The following NKIRAS2 variants were observed in gnomAD, a reference collection of about 807,000 sequenced individuals.
NKIRAS2 encodes NF-kappa-B inhibitor-interacting Ras-like protein 2.
In NKIRAS2, 15 loss-of-function variants were observed where a neutral mutation model predicts 20.7. The observed-to-expected ratio is 0.73, with a 90% CI of 0.49 to 1.12. The LOEUF (loss-of-function observed/expected upper bound fraction) is 1.12, where lower values mean the gene tolerates loss of function less well. NKIRAS2 is among the 50% of genes most tolerant of loss of function. The probability of loss-of-function intolerance (pLI) is 0.00; values close to 1 mark genes in which losing one functional copy is unlikely to be tolerated. For synonymous variants in NKIRAS2, 116 were observed against 101.4 expected (o/e 1.14, Z -0.87); for missense variants, 196 against 249.6 (o/e 0.79, Z 1.45).
chr17:42,022,547 C>T lies in NKIRAS2; in HGVS notation c.243C>T (p.Gly81=). 1 of 1,614,146 alleles carries T rather than the reference C, an allele frequency of 6.2e-7. No individual in the cohort carries two copies. Among genetic ancestry groups the T allele is most frequent in the Non-Finnish European group, 8.5e-7 (1 of 1,180,034 alleles). The change falls in exon 3 of 4, where the codon GGC becomes GGT. Residue 81 remains glycine (G), a synonymous_variant. Coordinates refer to ENST00000393885, the MANE Select transcript of NKIRAS2 (RefSeq NM_017595.6). ...LPRHCFSCTD[G]YVLVYSTDSR... is the part of the protein sequence containing the mutation. ...GACACTGCTTCTCTTGCACTGATGG[C>T]TACGTCCTGGTCTATAGCACAGATA...
In NKIRAS2 at chr17:42,024,215, T is replaced by C; in HGVS notation, c.*322T>C. 2.8e-6 allele frequency: 1 copy of C among 352,534 alleles called. No homozygotes were observed. The highest frequency in any genetic ancestry group is 5.4e-6 in the Non-Finnish European group (1 of 186,650). The allele number at this position is 352,534 out of a possible 1,614,324, so 21.8% of individuals were successfully genotyped here. On this transcript the variant is annotated 3_prime_UTR_variant, in exon 4 of 4. Transcript: ENST00000393885. ...GAAGCAGAGTCACCACGCAGCAGTG[T>C]CCCTTCTTGGGTCTGAGTTCCTATT... is the stretch of plus-strand genomic sequence containing the variant.
upstream of NKIRAS2, among the ~76,000 whole-genome samples, chr17:42,017,994 G>T (rs2052353567): frequency 6.6e-6 from 1 of 152,060 alleles, no homozygotes; most frequent in Non-Finnish European, 1.5e-5. Context: ...CATCCACTCC[G>T]GATCTCCAAA....
Position 42,021,539 on chromosome 17 carries a change from AC to A in NKIRAS2, c.-14-22del, listed in dbSNP as rs782368197. ...TGTTGATGCTTTCTTTCCTCACCTT[AC>A]CCAGCGTGCTTCTGTTCTTCAAGGT... On this transcript the variant is annotated intron_variant, in intron 1 of 3. Coordinates refer to ENST00000393885, the MANE Select transcript of NKIRAS2 (RefSeq NM_017595.6). 10 of 1,587,744 alleles carry A rather than the reference AC, an allele frequency of 6.3e-6. No homozygotes were observed. The South Asian group carries it at 9.9e-5, about 16-fold the overall frequency.
At chr17:42,023,613 A>G (rs782211562) in intron 3 of NKIRAS2, 41 bp from the exon 4 acceptor site, 15 of 1,586,938 alleles carry the variant, frequency 9.5e-6, no homozygotes, top group African/African-American at 2.7e-5. Context: ...TCCTGGTTCT[A>G]TGGTACATTC....
At chr17:42,022,144 G>A in intron 2 of NKIRAS2, 1 of 479,004 alleles carries the variant, frequency 2.1e-6, no homozygotes, top group Non-Finnish European at 3.8e-6. Context: ...GGGAGGTGGA[G>A]GTTGCGGTGA....
chr17:42,021,483 C>T (rs1222784238), intron 1 of NKIRAS2, 81 bp from the exon 2 acceptor site: 6 of 1,220,736 alleles, frequency 4.9e-6, no homozygotes, highest in South Asian at 4.9e-5. Context: ...TTTTTGTCCA[C>T]CAGAAAACAT....
chr17:42,023,445 G>A (rs2052505526), intron 3 of NKIRAS2, among the ~76,000 whole-genome samples: 1 of 152,200 alleles, frequency 6.6e-6, no homozygotes, highest in Non-Finnish European at 1.5e-5. Flanking sequence ...CTAAAAGGAG[G>A]GCTAGATGGA....
In NKIRAS2 at chr17:42,024,675, GAGGCAGGAGAATTGCTTGAACTCAGA is replaced by G. The variant is rs2052534661; in HGVS notation, c.*787_*812del. The G allele has an allele frequency of 6.6e-6, 1 of 152,176 alleles. No homozygotes were observed. Among genetic ancestry groups the G allele is most frequent in the Non-Finnish European group, 1.5e-5 (1 of 68,166 alleles). 9.4% of individuals were successfully genotyped at this position (152,176 alleles called of 1,614,324 possible). A position where few individuals can be genotyped will look rare whatever the true frequency, so the allele number is the denominator to read the frequency against. On this transcript the variant is annotated 3_prime_UTR_variant, in exon 4 of 4. Transcript: ENST00000393885. ...GTAATCCCAGCTACCCGGGGAGGCT[GAGGCAGGAGAATTGCTTGAACTCAGA>G]AGGCGGAGGCTGCAGTGAGCCGAGA...
rs1555653929 is a variant in NKIRAS2, at chr17:42,024,887, TCAC to T, written c.*997_*999del. The T allele has an allele frequency of 2.0e-5, 3 of 152,260 alleles. No homozygotes were observed. The highest frequency in any genetic ancestry group is 7.3e-5 in the African/African-American group (3 of 41,320). The allele number at this position is 152,260 out of a possible 1,614,324, so 9.4% of individuals were successfully genotyped here. ...TGGAATAGAATAACTGGGCTATGAG[TCAC>T]CAGCCCACTTTGTGACCCAGCAAGA... On this transcript the variant is annotated 3_prime_UTR_variant, in exon 4 of 4. Transcript: ENST00000393885.
At chr17:42,023,594 C>T in intron 3 of NKIRAS2, 60 bp from the exon 4 acceptor site, 1 of 1,533,656 alleles carries the variant, frequency 6.5e-7, no homozygotes, top group Non-Finnish European at 8.9e-7. Flanking sequence ...TGCCAGCCCC[C>T]ATGTCCATTC....
At chr17:42,019,647 T>A (rs1479946100), upstream of NKIRAS2, among the ~76,000 whole-genome samples, 2 of 152,222 alleles carry the variant, frequency 1.3e-5, no homozygotes, top group East Asian at 3.9e-4. Context: ...CAGTGTCTGC[T>A]GACTCAACGT....
At chr17:42,018,297 C>T (rs936987060), upstream of NKIRAS2, 18 of 152,096 alleles carry the variant, frequency 1.2e-4, no homozygotes, top group African/African-American at 4.3e-4. Context: ...TGTTGTTATT[C>T]CCTCACCCAA....
At chr17:42,020,423 C>T (rs896308339) in intron 1 of NKIRAS2, 1 of 152,102 alleles carries the variant, frequency 6.6e-6, no homozygotes, top group African/African-American at 2.4e-5. Context: ...GGAGAGGTTT[C>T]TGTTAGGGAC....
rs782299838 is a variant in NKIRAS2 at position 42,021,569 on chromosome 17, A to C, written c.-9A>C. On this transcript the variant is annotated 5_prime_UTR_variant, in exon 2 of 4. Coordinates refer to ENST00000393885, the MANE Select transcript of NKIRAS2 (RefSeq NM_017595.6). ...GCGTGCTTCTGTTCTTCAAGGTTGA[A>C]AACTAAGCATGGGGAAGAGCTGCAA... 2.5e-6 allele frequency: 4 copies of C among 1,614,038 alleles called. No homozygotes were observed. In the South Asian group the frequency reaches 4.4e-5, roughly 18 times the overall value.
At chr17:42,023,275 A>T (rs1363016837) in intron 3 of NKIRAS2, 3 of 255,856 alleles carry the variant, frequency 1.2e-5, no homozygotes, top group Admixed American at 1.0e-4. Flanking sequence ...TTGGGATTAC[A>T]GGCGTAAGCC....
Position 42,021,675 on chromosome 17 carries a change from AGT to A in NKIRAS2, c.94+7_94+8del, listed in dbSNP as rs782214088. The A allele has an allele frequency of 7.4e-6, 12 of 1,613,076 alleles. No homozygotes were observed. In the African/African-American group the frequency reaches 1.6e-4, roughly 22 times the overall value. ...CTGTATGGGAACCATGTAGTGGGTG[AGT>A]GTTGTTGGAGGGGGAGGAACAGTGG... On this transcript the variant is annotated splice_donor_5th_base_variant and intron_variant, in intron 2 of 3. Coordinates refer to ENST00000393885, the MANE Select transcript of NKIRAS2 (RefSeq NM_017595.6).
intron 2 of NKIRAS2, chr17:42,022,059 A>C: frequency 2.3e-6 from 1 of 435,298 alleles, no homozygotes; most frequent in East Asian, 5.6e-5. Context: ...AAAATACAAA[A>C]TTAGCCGGGT....
chr17:42,018,549 C>G (rs782253432), upstream of NKIRAS2: 2 of 152,190 alleles, frequency 1.3e-5, no homozygotes, highest in Admixed American at 6.5e-5. Flanking sequence ...GACAAGCTCA[C>G]TAGGTTGGAA....
At chr17:42,022,674 T>C in intron 3 of NKIRAS2, 34 bp downstream of exon 3, 1 of 1,592,632 alleles carries the variant, frequency 6.3e-7, no homozygotes, top group Non-Finnish European at 8.6e-7. Flanking sequence ...GGAGCCTCAG[T>C]GGTCAGAGAG....
Sources: gnomAD v4.1 joint callset for allele counts (sites outside exome capture counted in the v4.1 genomes callset) on GRCh38, gnomAD v4.1.1 for gene constraint, MANE v1.5 for transcripts, NCBI Gene and HGNC (gene_info 2026-07-23, HGNC 2026-07-21) for gene names.